The following PRDM16 variants were observed in gnomAD, a reference collection of about 807,000 sequenced individuals.
The protein encoded by PRDM16 is PR/SET domain 16.
A neutral mutation model predicts 110.6 loss-of-function variants in PRDM16; 23 were observed. That is an observed-to-expected ratio of 0.21 (90% CI 0.15 to 0.29). PRDM16 has a LOEUF of 0.29. Ranked by LOEUF, PRDM16 falls within the 10% of genes least tolerant of loss-of-function variation. PRDM16 has a pLI of 1.00. For synonymous variants in PRDM16, 799 were observed against 781.8 expected, an observed-to-expected ratio of 1.02 and a Z score of -0.37; for missense variants, 1,615 against 1,794.3, an observed-to-expected ratio of 0.90 and a Z score of 1.81.
chr1:3,305,266 G>A (rs951408787), intron 3 of PRDM16, among the ~76,000 whole-genome samples: 2 of 152,302 alleles, frequency 1.3e-5, no homozygotes, highest in South Asian at 4.1e-4. Flanking sequence ...AATGTCAGCC[G>A]CATCTCCGCA....
At chr1:3,341,718 C>T (rs1269651004) in intron 3 of PRDM16, among the ~76,000 whole-genome samples, 1 of 152,234 alleles carries the variant, frequency 6.6e-6, no homozygotes, top group East Asian at 1.9e-4. Flanking sequence ...CAATTTGTGG[C>T]CCAACACCCT....
rs563256730 is a variant in PRDM16, at chr1:3,300,953, C to T, written c.438+56816C>T. 2.0e-4 allele frequency among the ~76,000 whole-genome samples: 31 copies of T among 152,288 alleles called. 1 individual carries two copies. The South Asian group carries it at 5.8e-3, about 29-fold the overall frequency. On this transcript the variant is annotated intron_variant, in intron 3 of 16. Coordinates refer to ENST00000270722, the MANE Select transcript of PRDM16 (RefSeq NM_022114.4). ...CACTTATCACCTGGAAGGCAGTCCC[C>T]GTTTTCTCGTCTCCACCAAGGGAGC...
intron 3 of PRDM16, among the ~76,000 whole-genome samples, chr1:3,362,034 G>A (rs1007629755): frequency 2.0e-5 from 3 of 152,220 alleles, no homozygotes; most frequent in Non-Finnish European, 4.4e-5. Flanking sequence ...AAGTGACTGT[G>A]GCCCGGGAGG....
rs1211624933 is a variant in PRDM16 at position 3,114,165 on chromosome 1, GCACACACACGCACA to G, written c.37+44875_37+44888del. ...ACACTGCACACACGCACACACACAC[GCACACACACGCACA>G]CACACGCACACACGCACACGCACGC... On this transcript the variant is annotated intron_variant, in intron 1 of 16. Coordinates refer to ENST00000270722, the MANE Select transcript of PRDM16 (RefSeq NM_022114.4). 3.9e-5 allele frequency among the ~76,000 whole-genome samples: 5 copies of G among 129,158 alleles called. No homozygotes were observed. In the South Asian group the frequency reaches 7.2e-4, roughly 19 times the overall value. The allele number at this position is 129,158 out of a possible 152,430, so 84.7% of individuals were successfully genotyped here.
rs568810357 is a variant in PRDM16 at position 3,213,826 on chromosome 1, C to A, written c.387+27352C>A. On this transcript the variant is annotated intron_variant, in intron 2 of 16. Transcript: ENST00000270722. This position sits in a 1 kb window ranked among gnomAD's most constrained non-coding sequence, Gnocchi z 5.3. The stretch of plus-strand genomic sequence containing the variant: ...AGACCAAGGACTCCCGAGGCCAAGC[C>A]GGTGCCTTCCCAGGAGGCCTTGCCA... Among the ~76,000 whole-genome samples, 1 of 152,152 alleles carries A rather than the reference C, an allele frequency of 6.6e-6. No individual in the cohort carries two copies. Among genetic ancestry groups the A allele is most frequent in the Non-Finnish European group, 1.5e-5 (1 of 68,016 alleles).
chr1:3,319,357 T>C (rs963831626), intron 3 of PRDM16, among the ~76,000 whole-genome samples: 1 of 152,238 alleles, frequency 6.6e-6, no homozygotes, highest in Non-Finnish European at 1.5e-5. Flanking sequence ...TGTTTTATTC[T>C]GACGTCCTTG....
chr1:3,092,099 C>T (rs1642290246), intron 1 of PRDM16, among the ~76,000 whole-genome samples: 1 of 145,842 alleles, frequency 6.9e-6, no homozygotes, highest in Non-Finnish European at 1.5e-5. Flanking sequence ...TCCCTGGGCC[C>T]CCATGTCACG....
At chr1:3,261,112 A>G (rs999570168) in intron 3 of PRDM16, among the ~76,000 whole-genome samples, 11 of 125,522 alleles carry the variant, frequency 8.8e-5, no homozygotes, top group African/African-American at 3.2e-4. Context: ...CTTCACAAAC[A>G]TGAGGCATTA....
intron 8 of PRDM16, among the ~76,000 whole-genome samples, chr1:3,407,241 C>T (rs1245344695): frequency 6.6e-6 from 1 of 152,232 alleles, no homozygotes; most frequent in African/African-American, 2.4e-5. Flanking sequence ...TGGGCTGTGC[C>T]CGTCCCACCC....
At chr1:3,377,497 T>C (rs1219283411) in intron 3 of PRDM16, among the ~76,000 whole-genome samples, 3 of 152,144 alleles carry the variant, frequency 2.0e-5, no homozygotes, top group South Asian at 2.1e-4. Flanking sequence ...AGAGAAATTT[T>C]CCCCCACTTC....
At chr1:3,320,537 GTTA>G (rs1215162223) in intron 3 of PRDM16, among the ~76,000 whole-genome samples, 1 of 152,184 alleles carries the variant, frequency 6.6e-6, no homozygotes, top group Non-Finnish European at 1.5e-5. Flanking sequence ...CCAGGTCACT[GTTA>G]TTATCGTCTC....
Position 3,411,859 on chromosome 1 carries a change from A to C in PRDM16, c.1662A>C (p.Pro554=), listed in dbSNP as rs1643692970. The C allele has an allele frequency of 1.9e-6, 3 of 1,611,830 alleles. No individual in the cohort carries two copies. In the African/African-American group the frequency reaches 4.0e-5, roughly 21 times the overall value. Residue 554 remains proline, a synonymous_variant, in exon 9 of 17, where the codon CCA becomes CCC. Coordinates refer to ENST00000270722, the MANE Select transcript of PRDM16 (RefSeq NM_022114.4). ...DAKLPSPLGN[P]ALPLVSAVSN... is the part of the protein sequence containing the mutation. ...AGCTCCCCAGTCCCCTGGGGAACCCAGCCCTGCCCCTGGTCTCCGCCGTCA... is the reference window on the plus strand; with the variant it reads ...AGCTCCCCAGTCCCCTGGGGAACCCCGCCCTGCCCCTGGTCTCCGCCGTCA...
Position 3,313,793 on chromosome 1 carries a change from C to T in PRDM16, c.438+69656C>T, listed in dbSNP as rs562746011. Among the ~76,000 whole-genome samples, 3 of 152,342 alleles carry T rather than the reference C, an allele frequency of 2.0e-5. No homozygotes were observed. The South Asian group carries it at 6.2e-4, about 32-fold the overall frequency. ...CATTAGCTGCCAGTTGTAACTGGAACGCAGCCTAGAGGCCTCACTCCTCCA... is the reference window on the plus strand; with the variant it reads ...CATTAGCTGCCAGTTGTAACTGGAATGCAGCCTAGAGGCCTCACTCCTCCA... On this transcript the variant is annotated intron_variant, in intron 3 of 16. Transcript: ENST00000270722.
intron 3 of PRDM16, among the ~76,000 whole-genome samples, chr1:3,304,880 C>T (rs1402064557): frequency 1.3e-5 from 2 of 152,160 alleles, no homozygotes; most frequent in African/African-American, 4.8e-5. Context: ...GGTGGCCTCC[C>T]AGGTGGACCC....
At chr1:3,271,627 C>T (rs2100290542) in intron 3 of PRDM16, among the ~76,000 whole-genome samples, 1 of 152,236 alleles carries the variant, frequency 6.6e-6, no homozygotes, top group South Asian at 2.1e-4. Flanking sequence ...GTCCAGGGGC[C>T]CTGGCAGAGA....
intron 1 of PRDM16, among the ~76,000 whole-genome samples, chr1:3,181,355 C>CACAAGCAGTCTT (rs1644175087): frequency 2.3e-5 from 2 of 86,356 alleles, no homozygotes; most frequent in African/African-American, 9.1e-5. Flanking sequence ...CACGGTCTTA[C>CACAAGCAGTCTT]ACACGGTCTT....
intron 3 of PRDM16, among the ~76,000 whole-genome samples, chr1:3,314,763 G>A (rs572602014): frequency 2.0e-3 from 308 of 152,126 alleles, no homozygotes; most frequent in African/African-American, 7.1e-3. Context: ...CAGTTGCTTC[G>A]TTTTTTGCAA....
intron 3 of PRDM16, among the ~76,000 whole-genome samples, chr1:3,291,858 C>A (rs990331530): frequency 6.6e-6 from 1 of 152,222 alleles, no homozygotes; most frequent in Non-Finnish European, 1.5e-5. Context: ...AGCTTCTCTC[C>A]TCGAAGGGAA....
intron 5 of PRDM16, among the ~76,000 whole-genome samples, chr1:3,401,640 C>T (rs531865623): frequency 2.0e-5 from 3 of 152,334 alleles, no homozygotes; most frequent in Admixed American, 2.0e-4. Flanking sequence ...CACATATTCA[C>T]ATGCACATGT....
Sources: gnomAD v4.1 joint callset for allele counts (sites outside exome capture counted in the v4.1 genomes callset) on GRCh38, gnomAD v4.1.1 for gene constraint, Gnocchi (gnomAD v3.1) non-coding constraint, MANE v1.5 for transcripts, NCBI Gene and HGNC (gene_info 2026-07-23, HGNC 2026-07-21) for gene names.